The following CELF2 variants were observed in gnomAD, a reference collection of about 807,000 sequenced individuals.
CELF2 encodes CUGBP Elav-like family member 2, also known as CUG triplet repeat RNA-binding protein 2.
Under a neutral mutation model 62.6 loss-of-function variants are expected in CELF2, and 8 were observed. The ratio of observed to expected loss-of-function variants is 0.13; its 90% confidence interval spans 0.07 to 0.23. The LOEUF (loss-of-function observed/expected upper bound fraction) is 0.23, where lower values mean the gene tolerates loss of function less well. Ranked by LOEUF, CELF2 falls within the 10% of genes least tolerant of loss-of-function variation. CELF2 has a pLI of 1.00. For synonymous variants in CELF2, 258 were observed against 250.0 expected (o/e 1.03, Z -0.30); for missense variants, 333 against 671.0 (o/e 0.50, Z 5.56).
chr10:10,818,221 C>T (rs191526770), intron 1 of CELF2, among the ~76,000 whole-genome samples: 19 of 152,260 alleles, frequency 1.2e-4, no homozygotes, highest in Admixed American at 1.2e-3. Flanking sequence ...CACAAGGCCT[C>T]CAGGAACTCC....
In CELF2 at chr10:11,159,809, G is replaced by A. The variant is rs999223496; in HGVS notation, c.75-5677G>A. Among the ~76,000 whole-genome samples the A allele has an allele frequency of 2.6e-5, 4 of 152,178 alleles. No individual in the cohort carries two copies. Among genetic ancestry groups the A allele is most frequent in the South Asian group, 2.1e-4 (1 of 4,828 alleles). ...ATAACCAAACAAAGCCTGTTTCTTC[G>A]TGTGCTATTACTTAAGTACAAGTGA... On this transcript the variant is annotated intron_variant, in intron 1 of 12. Coordinates refer to ENST00000633077, the MANE Select transcript of CELF2 (RefSeq NM_001326342.2). The surrounding 1 kb of genome is among the most constrained non-coding windows in gnomAD (Gnocchi z 5.0).
rs938268530 is a variant in CELF2, at chr10:11,156,459, A to G, written c.75-9027A>G. ...TTTAATATTGCAGCCCTCTTATTTAATACCCTGCAACGCCCTCCCCTGCAT... is the reference window on the plus strand; with the variant it reads ...TTTAATATTGCAGCCCTCTTATTTAGTACCCTGCAACGCCCTCCCCTGCAT... On this transcript the variant is annotated intron_variant, in intron 1 of 12. Coordinates refer to ENST00000633077, the MANE Select transcript of CELF2 (RefSeq NM_001326342.2). This position sits in a 1 kb window ranked among gnomAD's most constrained non-coding sequence, Gnocchi z 4.3. Among the ~76,000 whole-genome samples the G allele has an allele frequency of 6.6e-6, 1 of 152,108 alleles. No individual in the cohort carries two copies. The highest frequency in any genetic ancestry group is 1.5e-5 in the Non-Finnish European group (1 of 68,012).
intron 2 of CELF2, chr10:11,171,502 A>G (rs2068846440): frequency 6.5e-6 from 1 of 152,728 alleles, no homozygotes; most frequent in Admixed American, 6.5e-5. Flanking sequence ...CTTGAGAATC[A>G]GACCAGACTG....
chr10:11,163,389 C>T (rs1414687837), intron 1 of CELF2, among the ~76,000 whole-genome samples: 2 of 152,208 alleles, frequency 1.3e-5, no homozygotes, highest in Non-Finnish European at 2.9e-5. Context: ...GCCACACTCT[C>T]AACCCCCGAC....
chr10:10,894,657 T>C lies in CELF2; in HGVS notation c.54-25307T>C, dbSNP rs567868060. Among the ~76,000 whole-genome samples, 6 of 146,752 alleles carry C rather than the reference T, an allele frequency of 4.1e-5. No individual in the cohort carries two copies. In the East Asian group the frequency reaches 1.2e-3, roughly 30 times the overall value. ...ACTAGAAAGAAGGATCCACTATGAT[T>C]GACTATAAAATGTGCCACCTGAAAG... On this transcript the variant is annotated intron_variant, in intron 1 of 13. Transcript: ENST00000636488.
rs1412739831 is a variant in CELF2, at chr10:11,296,121, C to G, written c.976+7569C>G. Among the ~76,000 whole-genome samples the G allele has an allele frequency of 1.3e-5, 2 of 152,200 alleles. No individual in the cohort carries two copies. The highest frequency in any genetic ancestry group is 2.4e-5 in the African/African-American group (1 of 41,454). On this transcript the variant is annotated intron_variant, in intron 9 of 12. Transcript: ENST00000633077. The surrounding 1 kb of genome is among the most constrained non-coding windows in gnomAD (Gnocchi z 5.0). ...GCTCTCCTTGGCGGGTGCCTTCATCCCCGGGATGGACAGATCCTCGCGTGC... is the reference window on the plus strand; with the variant it reads ...GCTCTCCTTGGCGGGTGCCTTCATCGCCGGGATGGACAGATCCTCGCGTGC...
At position 11,306,062 on chromosome 10, in the gene CELF2, G is replaced by A. The variant is rs1024881281; in HGVS notation, c.977-8077G>A. Reference sequence around the variant, plus strand: ...CTGAACGTCCGTCGCCTGATTGATAGGTTTTAACCAGTGGTACAACAGGCT... The same window carrying A: ...CTGAACGTCCGTCGCCTGATTGATAAGTTTTAACCAGTGGTACAACAGGCT... On this transcript the variant is annotated intron_variant, in intron 9 of 12. Transcript: ENST00000633077. The surrounding 1 kb of genome is among the most constrained non-coding windows in gnomAD (Gnocchi z 4.4). 6.6e-6 allele frequency among the ~76,000 whole-genome samples: 1 copy of A among 152,178 alleles called. No individual in the cohort carries two copies.
At chr10:10,705,390 G>C in the CELF2 span, among the ~76,000 whole-genome samples, 1 of 145,786 alleles carries the variant, frequency 6.9e-6, no homozygotes, top group Non-Finnish European at 1.5e-5. Context: ...AAAACCCTCA[G>C]GGTGAGACTT....
At chr10:10,980,486 T>C (rs946736031) in intron 2 of CELF2, among the ~76,000 whole-genome samples, 1 of 152,260 alleles carries the variant, frequency 6.6e-6, no homozygotes, top group African/African-American at 2.4e-5. Context: ...TTCCACATGC[T>C]GCTCAGCTCA....
intron 1 of CELF2, among the ~76,000 whole-genome samples, chr10:11,033,348 C>T (rs940628494): frequency 1.3e-5 from 2 of 152,020 alleles, no homozygotes; most frequent in Non-Finnish European, 2.9e-5. Flanking sequence ...ACTTCCACCC[C>T]CCAGGTTCAA....
rs2066009393 is a variant in CELF2, at chr10:11,224,999, G to A, written c.354+7492G>A. ...CTGGACACTTACAGGAGGGCGGTGT[G>A]GGGAGGGAAAGAAGTTTCGTCTGTC... On this transcript the variant is annotated intron_variant, in intron 3 of 12. Transcript: ENST00000633077. This position sits in a 1 kb window ranked among gnomAD's most constrained non-coding sequence, Gnocchi z 4.5. Among the ~76,000 whole-genome samples, 1 of 152,144 alleles carries A rather than the reference G, an allele frequency of 6.6e-6. No individual in the cohort carries two copies. Among genetic ancestry groups the A allele is most frequent in the African/African-American group, 2.4e-5 (1 of 41,408 alleles).
chr10:11,022,032 G>A (rs1183404624), intron 1 of CELF2, among the ~76,000 whole-genome samples: 1 of 152,098 alleles, frequency 6.6e-6, no homozygotes, highest in Non-Finnish European at 1.5e-5. Flanking sequence ...AAAGCAGTGG[G>A]GTTCTGTTTT....
intron 1 of CELF2, among the ~76,000 whole-genome samples, chr10:11,082,220 A>G (rs1229399732): frequency 6.6e-6 from 1 of 152,200 alleles, no homozygotes; most frequent in Non-Finnish European, 1.5e-5. Flanking sequence ...CCAAGAAAAC[A>G]TAGGAAAAAA....
chr10:10,632,597 T>G, the CELF2 span, among the ~76,000 whole-genome samples: 1 of 152,222 alleles, frequency 6.6e-6, no homozygotes, highest in Non-Finnish European at 1.5e-5. Context: ...AGAATTCTGT[T>G]AGAATTGTTA....
chr10:11,287,832 A>G (rs2139616077), intron 8 of CELF2, among the ~76,000 whole-genome samples: 1 of 152,344 alleles, frequency 6.6e-6, no homozygotes, highest in South Asian at 2.1e-4. Flanking sequence ...ACAACCCTTC[A>G]AGGTGGGGTT....
At chr10:10,914,208 A>T (rs1591844339) in intron 1 of CELF2, among the ~76,000 whole-genome samples, 1 of 152,306 alleles carries the variant, frequency 6.6e-6, no homozygotes, top group East Asian at 1.9e-4. Flanking sequence ...CAGGTCTTAA[A>T]AATATTTATC....
chr10:11,203,067 A>G (rs964410535), intron 2 of CELF2, among the ~76,000 whole-genome samples: 3 of 152,006 alleles, frequency 2.0e-5, no homozygotes, highest in Non-Finnish European at 4.4e-5. Flanking sequence ...AGGAGCCTGC[A>G]GGGTGTTTCT....
chr10:10,782,620 C>T, the CELF2 span, among the ~76,000 whole-genome samples: 104 of 152,316 alleles, frequency 6.8e-4, no homozygotes, highest in African/African-American at 2.3e-3. Context: ...GTCCTTCCCC[C>T]CTTGCCAGTA....
the CELF2 span, among the ~76,000 whole-genome samples, chr10:10,490,623 G>A: frequency 9.2e-5 from 14 of 152,080 alleles, no homozygotes; most frequent in South Asian, 2.7e-3. Context: ...AGATATTAAT[G>A]TAAACACAGG....
Sources: gnomAD v4.1 joint callset for allele counts (sites outside exome capture counted in the v4.1 genomes callset) on GRCh38, gnomAD v4.1.1 for gene constraint, Gnocchi (gnomAD v3.1) non-coding constraint, MANE v1.5 for transcripts, NCBI Gene and HGNC (gene_info 2026-07-23, HGNC 2026-07-21) for gene names.